The following DNAI2 variants were observed in gnomAD, a reference collection of about 807,000 sequenced individuals.
DNAI2 encodes the protein dynein axonemal intermediate chain 2, also known as dynein, axonemal, intermediate polypeptide 2.
In DNAI2, 63 loss-of-function variants were observed where a neutral mutation model predicts 74.7. The ratio of observed to expected loss-of-function variants is 0.84; its 90% CI spans 0.69 to 1.04. The LOEUF is 1.04. Ranked by LOEUF, DNAI2 falls within the 50% of genes least tolerant of loss-of-function variation. The probability of loss-of-function intolerance (pLI) is 0.00; values close to 1 mark genes in which losing one functional copy is unlikely to be tolerated. For synonymous variants in DNAI2, 289 were observed against 314.9 expected (o/e 0.92, Z 0.87); for missense variants, 688 against 803.2 (o/e 0.86, Z 1.73).
intron 4 of DNAI2, among the ~76,000 whole-genome samples, chr17:74,288,027 A>G (rs2051854303): frequency 6.6e-6 from 1 of 152,018 alleles, no homozygotes; most frequent in African/African-American, 2.4e-5. Flanking sequence ...GTATGTGAAA[A>G]CCAAACCAAA....
In DNAI2 at chr17:74,300,078, A is replaced by G. The variant is rs964622748; in HGVS notation, c.864+221A>G. Reference sequence around the variant, plus strand: ...ATTCTCCTGCCTCAGCCTCCCAAGTAGCTGGGATTACAGGCGCCTGCCACT... The same window carrying G: ...ATTCTCCTGCCTCAGCCTCCCAAGTGGCTGGGATTACAGGCGCCTGCCACT... On this transcript the variant is annotated intron_variant, in intron 7 of 13. Coordinates refer to ENST00000311014, the MANE Select transcript of DNAI2 (RefSeq NM_023036.6). This position sits in a 1 kb window ranked among gnomAD's most constrained non-coding sequence, Gnocchi z 4.5. 2.0e-5 allele frequency among the ~76,000 whole-genome samples: 3 copies of G among 152,104 alleles called. No individual in the cohort carries two copies. The highest frequency in any genetic ancestry group is 7.2e-5 in the African/African-American group (3 of 41,416).
intron 4 of DNAI2, among the ~76,000 whole-genome samples, chr17:74,288,771 A>G (rs1456302228): frequency 6.6e-6 from 1 of 152,162 alleles, no homozygotes; most frequent in Non-Finnish European, 1.5e-5. Context: ...GAGAAAGACC[A>G]TGCTCTGTGG....
chr17:74,306,497 C>T (rs940550608), intron 9 of DNAI2, among the ~76,000 whole-genome samples: 12 of 152,172 alleles, frequency 7.9e-5, no homozygotes, highest in Non-Finnish European at 1.5e-4. Flanking sequence ...GGTTCCTTTC[C>T]TGCCCACAGA....
chr17:74,285,071 G>C lies in DNAI2; in HGVS notation c.215G>C (p.Arg72Pro). ...TCAGAGCGGTTTGAGATGGAGACCC[G>C]GGGAGTTAACCATGTCGAGGGGGGC... Reference protein sequence around the residue: ...ANSERFEMETRGVNHVEGGWP... With the variant: ...ANSERFEMETPGVNHVEGGWP... Residue 72 changes from arginine (R) to proline (P), a missense_variant, in exon 3 of 14, where the codon CGG becomes CCG. Transcript: ENST00000311014. 6.2e-7 allele frequency: 1 copy of C among 1,614,190 alleles called. No homozygotes were observed.
intron 1 of DNAI2, among the ~76,000 whole-genome samples, chr17:74,281,158 G>A (rs999311184): frequency 6.6e-6 from 1 of 151,518 alleles, no homozygotes; most frequent in Admixed American, 6.6e-5. Context: ...AAGAGCTTTG[G>A]AATGGGGGCA....
intron 11 of DNAI2, among the ~76,000 whole-genome samples, chr17:74,311,594 C>T (rs781567619): frequency 1.4e-4 from 21 of 152,150 alleles, no homozygotes; most frequent in Non-Finnish European, 2.5e-4. Flanking sequence ...GCCTGGGCAA[C>T]AAGAGTGAAA....
chr17:74,314,401 C>G (rs2144150018), intron 13 of DNAI2, 130 bp downstream of exon 13: 9 of 1,204,126 alleles, frequency 7.5e-6, no homozygotes, highest in Non-Finnish European at 9.5e-6. Context: ...TCACTGGGCA[C>G]TGAGTCCTGA....
intron 8 of DNAI2, among the ~76,000 whole-genome samples, chr17:74,302,121 A>G (rs1231598377): frequency 2.1e-5 from 3 of 140,832 alleles, no homozygotes; most frequent in African/African-American, 5.4e-5. Flanking sequence ...GAAGGAAGGA[A>G]AGAAAAAGAA....
rs2051786371 is a variant in DNAI2, at chr17:74,286,967, T to TC, written c.346-4dup. Reference sequence around the variant, plus strand: ...TTTACTGCGGAGAACTTCCAATGTGTCCCCCCTAGATCATGGAGCACTGCA... The same window carrying TC: ...TTTACTGCGGAGAACTTCCAATGTGTCCCCCCCTAGATCATGGAGCACTGCA... On this transcript the variant is annotated splice_polypyrimidine_tract_variant and intron_variant, in intron 3 of 13. Transcript: ENST00000311014. The TC allele has an allele frequency of 6.2e-7, 1 of 1,613,644 alleles. No homozygotes were observed. Among genetic ancestry groups the TC allele is most frequent in the Non-Finnish European group, 8.5e-7 (1 of 1,179,734 alleles).
At chr17:74,292,080 G>C (rs747634246) in intron 6 of DNAI2, among the ~76,000 whole-genome samples, 1 of 152,120 alleles carries the variant, frequency 6.6e-6, no homozygotes, top group Admixed American at 6.5e-5. Flanking sequence ...GGCCAGACTT[G>C]TCTCAAATTC....
intron 1 of DNAI2, among the ~76,000 whole-genome samples, chr17:74,278,457 G>T (rs1045120430): frequency 3.9e-5 from 6 of 152,086 alleles, no homozygotes; most frequent in African/African-American, 1.4e-4. Context: ...TGAGAATTGT[G>T]ATCACTCTTT....
intron 1 of DNAI2, among the ~76,000 whole-genome samples, chr17:74,277,603 T>C (rs1267594148): frequency 6.6e-6 from 1 of 152,160 alleles, no homozygotes; most frequent in Non-Finnish European, 1.5e-5. Context: ...TGGCACATGC[T>C]TCTAGGGGCA....
At chr17:74,305,554 C>A in intron 9 of DNAI2, 112 bp downstream of exon 9, 1 of 966,634 alleles carries the variant, frequency 1.0e-6, no homozygotes, top group Non-Finnish European at 1.5e-6. Context: ...GGAGAAAAAC[C>A]TTTCCACAAA....
At chr17:74,284,641 T>A (rs2051599959) in intron 2 of DNAI2, among the ~76,000 whole-genome samples, 1 of 152,160 alleles carries the variant, frequency 6.6e-6, no homozygotes, top group Non-Finnish European at 1.5e-5. Flanking sequence ...CTCGATCTCC[T>A]GACCTCGTGA....
chr17:74,307,084 A>G (rs1309084322), intron 9 of DNAI2: 5 of 348,862 alleles, frequency 1.4e-5, no homozygotes, highest in Middle Eastern at 1.0e-3. Context: ...TCCTCATTCT[A>G]CAGGGGTGGG....
At chr17:74,313,319 G>A (rs1032540230) in intron 12 of DNAI2, among the ~76,000 whole-genome samples, 5 of 152,140 alleles carry the variant, frequency 3.3e-5, no homozygotes, top group African/African-American at 4.8e-5. Context: ...ATTTCCACAG[G>A]TGCATTTTGC....
At chr17:74,309,806 C>A in intron 10 of DNAI2, 2 of 680,408 alleles carry the variant, frequency 2.9e-6, no homozygotes, top group Non-Finnish European at 5.1e-6. Context: ...GACTGTGAGG[C>A]GGAACTGAAG....
At position 74,302,070 on chromosome 17, in the gene DNAI2, AGAAG is replaced by A. The variant is rs1160792899; in HGVS notation, c.987+950_987+953del. On this transcript the variant is annotated intron_variant, in intron 8 of 13. Coordinates refer to ENST00000311014, the MANE Select transcript of DNAI2 (RefSeq NM_023036.6). ...AGGAAGGAAGGAAGGAAGGAAGGAA[AGAAG>A]GAAGGAAGGAAGGAAGGAAGGAAGG... 3.5e-3 allele frequency among the ~76,000 whole-genome samples: 24 copies of A among 6,936 alleles called. 4 individuals are homozygous for A. The highest frequency in any genetic ancestry group is 9.7e-3 in the East Asian group (4 of 412). 4.6% of individuals were successfully genotyped at this position (6,936 alleles called of 152,430 possible).
rs531681570 is a variant in DNAI2 at position 74,284,627 on chromosome 17, C to T, written c.184-413C>T. ...CGGGGTTTCACCGTGTTAGCGAGGACGGTCTCGATCTCCTGACCTCGTGAT... is the reference window on the plus strand; with the variant it reads ...CGGGGTTTCACCGTGTTAGCGAGGATGGTCTCGATCTCCTGACCTCGTGAT... On this transcript the variant is annotated intron_variant, in intron 2 of 13. Transcript: ENST00000311014. Among the ~76,000 whole-genome samples the T allele has an allele frequency of 1.5e-3, 226 of 152,122 alleles. 2 individuals carry two copies. Among genetic ancestry groups the T allele is most frequent in the East Asian group, 1.6e-3 (8 of 5,152 alleles).
Sources: gnomAD v4.1 joint callset for allele counts (sites outside exome capture counted in the v4.1 genomes callset) on GRCh38, gnomAD v4.1.1 for gene constraint, Gnocchi (gnomAD v3.1) non-coding constraint, MANE v1.5 for transcripts, NCBI Gene and HGNC (gene_info 2026-07-23, HGNC 2026-07-21) for gene names.